The following REX1BD variants were observed in gnomAD, a reference collection of about 807,000 sequenced individuals.
The protein encoded by REX1BD is required for excision 1-B domain containing, also known as required for excision 1-B domain-containing protein.
A neutral mutation model predicts 24.4 loss-of-function variants in REX1BD; 22 were observed. The observed-to-expected ratio is 0.90, with a 90% CI of 0.64 to 1.29. REX1BD has a LOEUF of 1.29. Ranked by LOEUF, REX1BD falls within the 50% of genes most tolerant of loss-of-function variation. The pLI, the probability that REX1BD is intolerant of heterozygous loss-of-function variation, is 0.00. For synonymous variants in REX1BD, 146 were observed against 125.9 expected (o/e 1.16, Z -1.07); for missense variants, 293 against 285.3 (o/e 1.03, Z -0.19).
chr19:18,590,871 G>A lies in REX1BD; in HGVS notation c.471G>A (p.Leu157=). 3 of 1,606,572 alleles carry A rather than the reference G, an allele frequency of 1.9e-6. No individual in the cohort carries two copies. Among genetic ancestry groups the A allele is most frequent in the East Asian group, 2.3e-5 (1 of 44,320 alleles). Residue 157 remains leucine, a synonymous_variant, in exon 4 of 5, where the codon TTG becomes TTA. Transcript: ENST00000358607. Reference sequence around the variant, plus strand: ...CCCACCAGGTGGCCCTGCTGCAGTTGATGGAGACGCCAGAGCTGGCGGGGC... The same window carrying A: ...CCCACCAGGTGGCCCTGCTGCAGTTAATGGAGACGCCAGAGCTGGCGGGGC... The part of the protein sequence containing the change: ...TRLGTVALLQ[L]METPELAGQE...
In REX1BD at chr19:18,591,032, A is replaced by G. The variant is rs937900827; in HGVS notation, c.533+99A>G. ...CAGAGGAACCCTCTGCCAGTGCACAATGGTGTTCTCACCTGGTGGCCCTCA... is the reference window on the plus strand; with the variant it reads ...CAGAGGAACCCTCTGCCAGTGCACAGTGGTGTTCTCACCTGGTGGCCCTCA... On this transcript the variant is annotated intron_variant, in intron 4 of 4. Transcript: ENST00000358607. The G allele has an allele frequency of 1.8e-5, 20 of 1,131,460 alleles. No homozygotes were observed. In the African/African-American group the frequency reaches 2.7e-4, roughly 15 times the overall value. 70.1% of individuals were successfully genotyped at this position (1,131,460 alleles called of 1,614,324 possible).
chr19:18,589,777 A>G (rs1976000480), intron 3 of REX1BD, 94 bp downstream of exon 3: 1 of 1,405,934 alleles, frequency 7.1e-7, no homozygotes, highest in African/African-American at 1.5e-5. Context: ...CCAGTATCCC[A>G]TACACAGACC....
chr19:18,588,980 C>T lies in REX1BD; in HGVS notation c.100-15C>T. On this transcript the variant is annotated splice_polypyrimidine_tract_variant and intron_variant, in intron 1 of 4. Transcript: ENST00000358607. ...GCGCGGGCTTCATGCCCCAGCCGTG[C>T]CCCCTGTCCCGCAGAAAGACGCCCC... 6.6e-7 allele frequency: 1 copy of T among 1,525,076 alleles called. No homozygotes were observed. The highest frequency in any genetic ancestry group is 1.4e-5 in the African/African-American group (1 of 72,448). 94.5% of individuals were successfully genotyped at this position (1,525,076 alleles called of 1,614,324 possible). A position where few individuals can be genotyped will look rare whatever the true frequency, so the allele number is the denominator to read the frequency against.
chr19:18,592,228 T>C lies in REX1BD; in HGVS notation c.*48T>C, dbSNP rs1238470672. 1.2e-6 allele frequency: 2 copies of C among 1,606,056 alleles called. No individual in the cohort carries two copies. The highest frequency in any genetic ancestry group is 1.7e-6 in the Non-Finnish European group (2 of 1,173,528). On this transcript the variant is annotated 3_prime_UTR_variant, in exon 5 of 5. Transcript: ENST00000358607. Reference sequence around the variant, plus strand: ...CGAGGGAGATGGGAAACGGGGCGGATGGCGCCCAGCCCAGCCCTAACTGCC... The same window carrying C: ...CGAGGGAGATGGGAAACGGGGCGGACGGCGCCCAGCCCAGCCCTAACTGCC...
chr19:18,591,108 C>T, intron 4 of REX1BD, 175 bp downstream of exon 4: 1 of 582,388 alleles, frequency 1.7e-6, no homozygotes, highest in Non-Finnish European at 2.9e-6. Flanking sequence ...ATCAGTTTCG[C>T]TGTGCATTGC....
At position 18,589,678 on chromosome 19, in the gene REX1BD, G is replaced by T; in HGVS notation, c.448G>T (p.Gly150Cys). 3 of 1,472,912 alleles carry T rather than the reference G, an allele frequency of 2.0e-6. No homozygotes were observed. The highest frequency in any genetic ancestry group is 2.7e-6 in the Non-Finnish European group (3 of 1,120,414). 91.2% of individuals were successfully genotyped at this position (1,472,912 alleles called of 1,614,324 possible). A position where few individuals can be genotyped will look rare whatever the true frequency, so the allele number is the denominator to read the frequency against. ...SLQELEQTRL[G>C]TVALLQLMET... ...GCAGGAGCTGGAGCAGACGCGGCTG[G>T]GCACGGTGAGGCCACCACCCCTTCC... The change falls in exon 3 of 5, where the codon GGC (glycine) becomes TGC (cysteine). Residue 150 changes from glycine to cysteine, a missense_variant. Physicochemically the swap from Gly to Cys is radical, Grantham distance 159. Coordinates refer to ENST00000358607, the MANE Select transcript of REX1BD (RefSeq NM_001100418.2).
chr19:18,590,106 C>T (rs143626884), intron 3 of REX1BD: 1 of 175,970 alleles, frequency 5.7e-6, no homozygotes, highest in African/African-American at 2.4e-5. Context: ...CTATTTCTCT[C>T]TTGCGATCCG....
rs150088014 is a variant in REX1BD at position 18,590,801 on chromosome 19, G to A, written c.454-53G>A. 325 of 1,536,150 alleles carry A rather than the reference G, an allele frequency of 2.1e-4. 3 individuals carry two copies. In the African/African-American group the frequency reaches 3.9e-3, roughly 18 times the overall value. On this transcript the variant is annotated intron_variant, in intron 3 of 4. Coordinates refer to ENST00000358607, the MANE Select transcript of REX1BD (RefSeq NM_001100418.2). ...TTTCCTGAACATCCTTGGAGGGCAG[G>A]GGGTGGGTTCTGCTCGTGGAGACAT... is the stretch of plus-strand genomic sequence containing the variant.
At position 18,592,328 on chromosome 19, in the gene REX1BD, C is replaced by T. The variant is rs1976061797; in HGVS notation, c.*148C>T. On this transcript the variant is annotated 3_prime_UTR_variant, in exon 5 of 5. Transcript: ENST00000358607. The stretch of plus-strand genomic sequence containing the variant: ...AGACACCTCCCACAATAAAGAGCTC[C>T]TCCTCTGTAGCCGCTCTGCCATCTC... 7.2e-6 allele frequency: 6 copies of T among 830,432 alleles called. No individual in the cohort carries two copies. The highest frequency in any genetic ancestry group is 4.7e-5 in the Admixed American group (2 of 42,718). The allele number at this position is 830,432 out of a possible 1,614,324, so 51.4% of individuals were successfully genotyped here.
At chr19:18,590,535 T>C (rs1236543172) in intron 3 of REX1BD, 2 of 278,266 alleles carry the variant, frequency 7.2e-6, no homozygotes, top group African/African-American at 4.5e-5. Context: ...TGGCCTACTT[T>C]TATCCTGGGT....
At position 18,589,600 on chromosome 19, in the gene REX1BD, G is replaced by C. The variant is rs1975994811; in HGVS notation, c.370G>C (p.Glu124Gln). The C allele has an allele frequency of 6.5e-7, 1 of 1,539,890 alleles. No individual in the cohort carries two copies. Reference protein sequence around the residue: ...ASREVLAVEAELGGPRRQPLL... With the variant: ...ASREVLAVEAQLGGPRRQPLL... ...GCGGGAGGTGCTGGCGGTGGAAGCAGAGCTGGGCGGGCCTCGCAGGCAGCC... is the reference window on the plus strand; with the variant it reads ...GCGGGAGGTGCTGGCGGTGGAAGCACAGCTGGGCGGGCCTCGCAGGCAGCC... Residue 124 changes from glutamate (E) to glutamine (Q), a missense_variant, in exon 3 of 5, where the codon GAG (glutamate) becomes CAG (glutamine). Physicochemically the swap from Glu to Gln is conservative, Grantham distance 29 (BLOSUM62 2). Transcript: ENST00000358607.
intron 3 of REX1BD, chr19:18,590,545 T>G: frequency 3.4e-6 from 1 of 294,652 alleles, no homozygotes; most frequent in South Asian, 4.6e-5. Context: ...TTATCCTGGG[T>G]CCCCGTCCCT....
Position 18,588,874 on chromosome 19 carries a change from G to A in REX1BD, c.73G>A (p.Gly25Arg), listed in dbSNP as rs1010688673. The A allele has an allele frequency of 2.6e-6, 4 of 1,532,786 alleles. No individual in the cohort carries two copies. The highest frequency in any genetic ancestry group is 2.6e-6 in the Non-Finnish European group (3 of 1,145,798). 94.9% of individuals were successfully genotyped at this position (1,532,786 alleles called of 1,614,324 possible). Residue 25 changes from glycine to arginine, a missense_variant, in exon 1 of 5, where the codon GGA (glycine) becomes AGA (arginine). By Grantham distance (125) the Gly-to-Arg change is moderately radical. Coordinates refer to ENST00000358607, the MANE Select transcript of REX1BD (RefSeq NM_001100418.2). ...TGCTGAGGAGGCCACCGAAGCTCGG[G>A]GACGCGAGGAGCCGGCGTGGCCCTG... ...PAAEEATEAR[G>R]REEPAWPWKD...
At chr19:18,590,633 C>T (rs1156536967) in intron 3 of REX1BD, 3 of 513,118 alleles carry the variant, frequency 5.8e-6, no homozygotes, top group Non-Finnish European at 1.0e-5. Context: ...CAGGCCACGC[C>T]CACATCGCGC....
rs1352164663 is a variant in REX1BD at position 18,591,931 on chromosome 19, G to A, written c.534-177G>A. On this transcript the variant is annotated intron_variant, in intron 4 of 4. Coordinates refer to ENST00000358607, the MANE Select transcript of REX1BD (RefSeq NM_001100418.2). ...TCTCTCAGCCCACTGTGACCTATGG[G>A]GCCACCCCTTCTCCCTAGCACCTAA... 7.5e-6 allele frequency: 5 copies of A among 666,590 alleles called. No individual in the cohort carries two copies. In the East Asian group the frequency reaches 1.4e-4, roughly 18 times the overall value. 41.3% of individuals were successfully genotyped at this position (666,590 alleles called of 1,614,324 possible).
At chr19:18,589,226 C>CA in intron 2 of REX1BD, 149 bp downstream of exon 2, 1 of 1,521,748 alleles carries the variant, frequency 6.6e-7, no homozygotes, top group Non-Finnish European at 8.8e-7. Flanking sequence ...ACCGGGTCCT[C>CA]ACCTTCACGA....
intron 3 of REX1BD, 134 bp downstream of exon 3, chr19:18,589,817 T>C (rs1976001146): frequency 8.0e-7 from 1 of 1,254,288 alleles, no homozygotes; most frequent in Admixed American, 3.5e-5. Context: ...CCCAATCCTC[T>C]ATTAAGGCTT....
chr19:18,589,200 G>C, intron 2 of REX1BD, 123 bp downstream of exon 2: 1 of 1,500,696 alleles, frequency 6.7e-7, no homozygotes, highest in Non-Finnish European at 8.9e-7. Context: ...GTCAGATGGG[G>C]CGGGGATTTC....
chr19:18,589,183 C>T, intron 2 of REX1BD, 106 bp downstream of exon 2: 7 of 1,487,782 alleles, frequency 4.7e-6, no homozygotes, highest in Non-Finnish European at 5.4e-6. Context: ...CCTTGTGTGG[C>T]TGCAGAGTCA....
Sources: allele counts gnomAD v4.1 joint callset, GRCh38; gene constraint gnomAD v4.1.1; transcripts MANE v1.5; gene names NCBI Gene and HGNC (gene_info 2026-07-23, HGNC 2026-07-21).